RB1: variants seen among roughly 807,000 people sequenced by gnomAD.
The protein encoded by RB1 is RB transcriptional corepressor 1.
RB1 carries 18 observed loss-of-function variants against 135.4 expected under a neutral mutation model. The ratio of observed to expected loss-of-function variants is 0.13; its 90% CI spans 0.09 to 0.20. The LOEUF is 0.20. RB1 is among the 10% of genes least tolerant of loss of function. The pLI, the probability that RB1 is intolerant of heterozygous loss-of-function variation, is 1.00. For missense variants in RB1, 868 were observed against 1,110.0 expected (o/e 0.78, Z 3.10); for synonymous variants, 365 against 373.2 (o/e 0.98, Z 0.25).
chr13:48,418,535 A>G (rs905764365), intron 17 of RB1, among the ~76,000 whole-genome samples: 8 of 152,188 alleles, frequency 5.3e-5, no homozygotes, highest in Non-Finnish European at 1.0e-4. Flanking sequence ...CACATATAAC[A>G]ATATTAACCT....
chr13:48,408,217 A>G (rs920862086), intron 17 of RB1, among the ~76,000 whole-genome samples: 8 of 151,958 alleles, frequency 5.3e-5, no homozygotes, highest in Non-Finnish European at 1.0e-4. Flanking sequence ...AGGTTCATTG[A>G]TAGCTCCTTA....
At chr13:48,462,107 A>G (rs1281061066) in intron 20 of RB1, among the ~76,000 whole-genome samples, 1 of 151,906 alleles carries the variant, frequency 6.6e-6, no homozygotes, top group Non-Finnish European at 1.5e-5. Flanking sequence ...CTGGGATTAC[A>G]GGCATGAGCC....
At chr13:48,373,564 T>C in intron 12 of RB1, 72 bp downstream of exon 12, 2 of 976,516 alleles carry the variant, frequency 2.0e-6, no homozygotes, top group Admixed American at 1.8e-5. Context: ...GTTAAAGTAC[T>C]GAGTTCTTTT....
intron 20 of RB1, among the ~76,000 whole-genome samples, chr13:48,461,147 AC>A (rs374734957): frequency 6.6e-6 from 1 of 152,060 alleles, no homozygotes; most frequent in East Asian, 1.9e-4. Context: ...GAAACTCCAT[AC>A]CCTCAAGCAG....
At chr13:48,321,105 C>T (rs1378373230) in intron 2 of RB1, among the ~76,000 whole-genome samples, 1 of 152,070 alleles carries the variant, frequency 6.6e-6, no homozygotes, top group African/African-American at 2.4e-5. Context: ...ACTTTTGACT[C>T]GGCCAGGCCC....
chr13:48,479,645 TG>T (rs1238275395), intron 26 of RB1, among the ~76,000 whole-genome samples: 1 of 151,006 alleles, frequency 6.6e-6, no homozygotes, highest in Non-Finnish European at 1.5e-5. Context: ...TTTTGGGGGG[TG>T]GGGAGGGAAT....
intron 17 of RB1, among the ~76,000 whole-genome samples, chr13:48,431,864 T>C (rs1404266243): frequency 6.6e-6 from 1 of 152,232 alleles, no homozygotes; most frequent in African/African-American, 2.4e-5. Context: ...GCTTATGTTG[T>C]CTTCATCTCT....
chr13:48,339,309 G>A (rs1251682190), intron 2 of RB1, among the ~76,000 whole-genome samples: 8 of 152,180 alleles, frequency 5.3e-5, no homozygotes, highest in South Asian at 2.1e-4. Context: ...CTTGACCTGC[G>A]GTGGGCTCCA....
chr13:48,459,902 T>TTTCTTTCCTTCCTTCCTTCC, intron 20 of RB1, 69 bp downstream of exon 20: 2 of 452,898 alleles, frequency 4.4e-6, no homozygotes, highest in East Asian at 3.9e-5. Context: ...TCTTTCTTTC[T>TTTCTTTCCTTCCTTCCTTCC]TTCTTTCTTT....
intron 1 of RB1, among the ~76,000 whole-genome samples, chr13:48,306,671 G>T (rs934745286): frequency 6.6e-6 from 1 of 152,100 alleles, no homozygotes; most frequent in Admixed American, 6.5e-5. Flanking sequence ...CTTTCTACAG[G>T]ATCATAGTAA....
At chr13:48,431,803 C>T (rs183955421) in intron 17 of RB1, among the ~76,000 whole-genome samples, 3 of 152,090 alleles carry the variant, frequency 2.0e-5, no homozygotes, top group Non-Finnish European at 4.4e-5. Context: ...TGGATTTTTG[C>T]CCTGGCCATA....
At chr13:48,434,355 A>G (rs1272237673) in intron 17 of RB1, among the ~76,000 whole-genome samples, 1 of 152,130 alleles carries the variant, frequency 6.6e-6, no homozygotes, top group African/African-American at 2.4e-5. Flanking sequence ...ATAAAAACGG[A>G]GAAAAAAAAT....
At chr13:48,429,540 A>G (rs1282464561) in intron 17 of RB1, 2 of 152,212 alleles carry the variant, frequency 1.3e-5, no homozygotes, top group South Asian at 2.1e-4. Flanking sequence ...AGTGAAAATC[A>G]TAAACCCACA....
In RB1 at chr13:48,412,348, T is replaced by A. The variant is rs746855344; in HGVS notation, c.1695+30905T>A. On this transcript the variant is annotated intron_variant, in intron 17 of 26. Transcript: ENST00000267163. ...GATATTAACCCAAGCACAAACACCA[T>A]GCTGAACATGCACCCATACAAAGTG... The A allele has an allele frequency of 1.2e-6, 2 of 1,613,630 alleles. No homozygotes were observed. Among genetic ancestry groups the A allele is most frequent in the Non-Finnish European group, 1.7e-6 (2 of 1,179,604 alleles).
At chr13:48,365,144 T>C (rs927961908) in intron 9 of RB1, among the ~76,000 whole-genome samples, 173 bp downstream of exon 9, 2 of 152,174 alleles carry the variant, frequency 1.3e-5, no homozygotes, top group Non-Finnish European at 2.9e-5. Flanking sequence ...ACAAAAAGCT[T>C]TTGAGTATAT....
intron 17 of RB1, among the ~76,000 whole-genome samples, chr13:48,390,615 C>T (rs1374534776): frequency 6.6e-6 from 1 of 152,160 alleles, no homozygotes; most frequent in African/African-American, 2.4e-5. Flanking sequence ...CTCTCAATAC[C>T]TAATCTAATG....
In RB1 at chr13:48,342,701, A is replaced by G. The variant is rs149800437; in HGVS notation, c.367A>G (p.Asn123Asp). ...MSFTFTELQK[N>D]IEISVHKFFN... ...GTTCACTTTTACTGAGCTACAGAAA[A>G]ACATAGAAATCAGGTAAAGTTTCTT... The change falls in exon 3 of 27, where the codon AAC becomes GAC. Residue 123 changes from asparagine to aspartate, a missense_variant. Coordinates refer to ENST00000267163, the MANE Select transcript of RB1 (RefSeq NM_000321.3). 154 of 1,602,344 alleles carry G rather than the reference A, an allele frequency of 9.6e-5. No individual in the cohort carries two copies. Among genetic ancestry groups the G allele is most frequent in the Middle Eastern group, 1.7e-4 (1 of 6,044 alleles).
rs374157786 is a variant in RB1, at chr13:48,473,388, G to A, written c.2518G>A (p.Gly840Arg). ...RILVSIGESF[G>R]TSEKFQKINQ... ...CTTAGTATCAATTGGTGAATCATTC[G>A]GGGTGAGTATTTTCTTTCTATGAAA... The change falls in exon 24 of 27, where the codon GGG becomes AGG. Residue 840 changes from glycine (G) to arginine (R), a missense_variant and splice_region_variant. Transcript: ENST00000267163. 3.4e-5 allele frequency: 53 copies of A among 1,561,456 alleles called. No individual in the cohort carries two copies. Among genetic ancestry groups the A allele is most frequent in the Non-Finnish European group, 4.1e-5 (46 of 1,134,168 alleles).
chr13:48,366,608 A>T (rs1404108040), intron 9 of RB1, among the ~76,000 whole-genome samples: 1 of 152,196 alleles, frequency 6.6e-6, no homozygotes, highest in Non-Finnish European at 1.5e-5. Context: ...CTGATGAAAG[A>T]TTTACAAATT....
Sources: allele counts gnomAD v4.1 joint callset (sites outside exome capture counted in the v4.1 genomes callset), GRCh38; gene constraint gnomAD v4.1.1; transcripts MANE v1.5; gene names NCBI Gene and HGNC (gene_info 2026-07-23, HGNC 2026-07-21).